The following CENPI variants were observed in gnomAD, a reference collection of about 807,000 sequenced individuals.
CENPI encodes the protein centromere protein I, also known as FSH primary response 1.
Under a neutral mutation model 60.4 loss-of-function variants are expected in CENPI, and 4 were observed. The observed-to-expected ratio is 0.07, with a 90% CI of 0.03 to 0.15. The LOEUF (loss-of-function observed/expected upper bound fraction) is 0.15. CENPI is among the 10% of genes least tolerant of loss of function. CENPI has a pLI of 1.00. For missense variants in CENPI, 444 were observed against 534.5 expected (o/e 0.83, Z 1.67); for synonymous variants, 157 against 189.4 (o/e 0.83, Z 1.40).
intron 15 of CENPI, among the ~76,000 whole-genome samples, chrX:101,139,820 G>GT (rs35960415): frequency 0.17 from 14,931 of 89,531 alleles, 987 homozygotes; most frequent in Middle Eastern, 0.26. Flanking sequence ...ATTATTGTAT[G>GT]TTTTTTTTTT....
At chrX:101,100,949 G>A in intron 2 of CENPI, 109 bp from the exon 3 acceptor site, 1 of 484,807 alleles carries the variant, frequency 2.1e-6, no homozygotes, top group Non-Finnish European at 3.5e-6. Flanking sequence ...TTGTATGCCT[G>A]TTGTATGCTA....
chrX:101,146,598 T>A (rs188346558), intron 18 of CENPI, among the ~76,000 whole-genome samples: 417 of 112,019 alleles, frequency 3.7e-3, no homozygotes, highest in Non-Finnish European at 5.8e-3. Flanking sequence ...TTGCTTGAAG[T>A]GTTTGTAGCT....
At chrX:101,158,446 T>A (rs1405567985) in intron 20 of CENPI, among the ~76,000 whole-genome samples, 1 of 107,846 alleles carries the variant, frequency 9.3e-6, no homozygotes, top group Non-Finnish European at 1.9e-5. Flanking sequence ...CCTGGCTAAT[T>A]TTTGTATTTT....
intron 6 of CENPI, among the ~76,000 whole-genome samples, chrX:101,111,323 G>A (rs1270619913): frequency 9.0e-6 from 1 of 110,632 alleles, no homozygotes; most frequent in South Asian, 3.8e-4. Context: ...ACCCCCTGGG[G>A]CTTCCTGAGA....
chrX:101,160,803 G>A (rs888107180), intron 20 of CENPI, among the ~76,000 whole-genome samples: 3 of 111,657 alleles, frequency 2.7e-5, no homozygotes, highest in Non-Finnish European at 5.6e-5. Context: ...TAATTACCAT[G>A]ATTTGATCAT....
At chrX:101,147,175 A>G (rs2089969245) in intron 18 of CENPI, among the ~76,000 whole-genome samples, 1 of 111,289 alleles carries the variant, frequency 9.0e-6, no homozygotes, top group African/African-American at 3.3e-5. Flanking sequence ...TTAGGAAAAC[A>G]TGTTCTATAT....
downstream of CENPI, among the ~76,000 whole-genome samples, chrX:101,170,628 A>G (rs948246217): frequency 9.0e-6 from 1 of 111,621 alleles, no homozygotes; most frequent in African/African-American, 3.3e-5. Context: ...TACATTTCCA[A>G]AGCAGTCTTT....
chrX:101,134,917 G>A (rs1168922137), intron 15 of CENPI, among the ~76,000 whole-genome samples: 9 of 110,371 alleles, frequency 8.2e-5, no homozygotes, highest in Non-Finnish European at 1.3e-4. Context: ...AGGAGGCTGA[G>A]GCAGGAGAAT....
chrX:101,130,516 T>C (rs1215712451), intron 13 of CENPI, among the ~76,000 whole-genome samples: 1 of 112,507 alleles, frequency 8.9e-6, no homozygotes, highest in Non-Finnish European at 1.9e-5. Flanking sequence ...AAGCTCATTA[T>C]AGATAAAGCT....
chrX:101,137,030 A>G (rs1225974509), intron 15 of CENPI, among the ~76,000 whole-genome samples: 1 of 110,811 alleles, frequency 9.0e-6, no homozygotes, highest in Non-Finnish European at 1.9e-5. Context: ...CTCCCACCTC[A>G]GCCTCCCAAG....
chrX:101,131,464 A>AG (rs1451785422), intron 13 of CENPI, among the ~76,000 whole-genome samples: 2 of 111,802 alleles, frequency 1.8e-5, no homozygotes, highest in African/African-American at 6.5e-5. Context: ...CAGTCTTGGA[A>AG]GGAAAGATGT....
intron 6 of CENPI, among the ~76,000 whole-genome samples, chrX:101,112,822 C>T (rs888901696): frequency 1.2e-3 from 119 of 97,478 alleles, no homozygotes; most frequent in Middle Eastern, 0.011. Flanking sequence ...GCCAAGGGGT[C>T]CTCTAATTTT....
intron 6 of CENPI, among the ~76,000 whole-genome samples, chrX:101,113,669 C>T (rs1407084155): frequency 1.8e-5 from 2 of 111,973 alleles, no homozygotes; most frequent in African/African-American, 6.5e-5. Context: ...AGTATCTTTG[C>T]TCATCATTTG....
At chrX:101,140,875 G>C (rs1269497399) in intron 16 of CENPI, 115 bp downstream of exon 16, 2 of 481,746 alleles carry the variant, frequency 4.2e-6, no homozygotes, top group Non-Finnish European at 7.2e-6. Flanking sequence ...GTACTTTTTT[G>C]GAAGACTTTT....
At position 101,145,144 on chromosome X, in the gene CENPI, G is replaced by A. The variant is rs1007223558; in HGVS notation, c.1646G>A (p.Arg549His). 11 of 1,205,232 alleles carry A rather than the reference G, an allele frequency of 9.1e-6. No homozygotes were observed. The highest frequency in any genetic ancestry group is 7.1e-5 in the South Asian group (4 of 56,722). The stretch of plus-strand genomic sequence containing the variant: ...GGGTGGCTATCCACTACTGCAATGC[G>A]CTTGGAGAGCAACAATACTTTCTTG... The part of the protein sequence containing the change: ...YVGWLSTTAM[R>H]LESNNTFLLH... The change falls in exon 17 of 22, where the codon CGC (arginine) becomes CAC (histidine). Residue 549 changes from arginine (R) to histidine (H), a missense_variant. By Grantham distance (29) the Arg-to-His change is conservative. Coordinates refer to ENST00000682095, the MANE Select transcript of CENPI (RefSeq NM_001386188.2).
intron 20 of CENPI, among the ~76,000 whole-genome samples, chrX:101,150,385 C>T (rs1030306122): frequency 1.9e-5 from 2 of 107,584 alleles, no homozygotes; most frequent in African/African-American, 6.8e-5. Flanking sequence ...TTTTTTAAGA[C>T]AAGTTGTCAT....
intron 21 of CENPI, among the ~76,000 whole-genome samples, chrX:101,162,473 A>AATATATATATATATATATATATATAT (rs1556409815): frequency 7.3e-5 from 5 of 68,100 alleles, no homozygotes; most frequent in African/African-American, 3.4e-4. Context: ...AAAAAAAAAA[A>AATATATATATATATATATATATATAT]ATATATATAT....
At position 101,161,567 on chromosome X, in the gene CENPI, C is replaced by T. The variant is rs746992618; in HGVS notation, c.2134C>T (p.Arg712Trp). The T allele has an allele frequency of 1.8e-5, 21 of 1,199,463 alleles. No individual in the cohort carries two copies. The highest frequency in any genetic ancestry group is 4.4e-5 in the Admixed American group (2 of 45,829). The change falls in exon 21 of 22, where the codon CGG (arginine) becomes TGG (tryptophan). Residue 712 changes from arginine (R) to tryptophan (W), a missense_variant and splice_region_variant. Physicochemically the swap from Arg to Trp is moderately radical, Grantham distance 101. Transcript: ENST00000682095. Reference protein sequence around the residue: ...EERTVNVSSIRGKKWSWYLDY... With the variant: ...EERTVNVSSIWGKKWSWYLDY... ...AAGGACAGTAAATGTGAGCTCTATT[C>T]GGGTAAATAAATTTACTTTCATCGT...
At chrX:101,115,881 A>G (rs901346469) in intron 6 of CENPI, among the ~76,000 whole-genome samples, 1 of 111,470 alleles carries the variant, frequency 9.0e-6, no homozygotes, top group African/African-American at 3.3e-5. Flanking sequence ...TATTCTAGGT[A>G]CCTCATATAA....
Sources: allele counts gnomAD v4.1 joint callset (sites outside exome capture counted in the v4.1 genomes callset), GRCh38; gene constraint gnomAD v4.1.1; transcripts MANE v1.5; gene names NCBI Gene and HGNC (gene_info 2026-07-23, HGNC 2026-07-21).